Variants in TXNRD2 observed in about 807,000 individuals in gnomAD.
TXNRD2 encodes thioredoxin reductase 2, mitochondrial.
In TXNRD2, 67 loss-of-function variants were observed where a neutral mutation model predicts 70.8. The ratio of observed to expected loss-of-function variants is 0.95; its 90% CI spans 0.78 to 1.16. The LOEUF is 1.16. Ranked by LOEUF, TXNRD2 falls within the 50% of genes most tolerant of loss-of-function variation. The pLI is 0.00. For missense variants in TXNRD2, 644 were observed against 719.9 expected (o/e 0.89, Z 1.21); for synonymous variants, 301 against 295.8 (o/e 1.02, Z -0.18).
chr22:19,878,731 A>G (rs1451165592), intron 14 of TXNRD2, among the ~76,000 whole-genome samples: 1 of 152,200 alleles, frequency 6.6e-6, no homozygotes, highest in Non-Finnish European at 1.5e-5. Flanking sequence ...CAGGCAATCC[A>G]AGCAGCCAGG....
At chr22:19,915,932 C>A in intron 5 of TXNRD2, 89 bp from the exon 6 acceptor site, 2 of 1,215,074 alleles carry the variant, frequency 1.6e-6, no homozygotes, top group Non-Finnish European at 2.4e-6. Context: ...TAAAAGGGAG[C>A]TCCAGCCCCC....
chr22:19,897,599 C>T (rs1939567648), intron 10 of TXNRD2, among the ~76,000 whole-genome samples: 1 of 152,214 alleles, frequency 6.6e-6, no homozygotes, highest in Non-Finnish European at 1.5e-5. Flanking sequence ...CAGCGCTGCC[C>T]TGTGTCCCTC....
intron 7 of TXNRD2, among the ~76,000 whole-genome samples, chr22:19,912,552 A>G (rs1005873): frequency 0.24 from 36,095 of 152,080 alleles, 6,041 homozygotes; most frequent in African/African-American, 0.47. Context: ...CCTCAGAGAA[A>G]CCCAATGACC....
chr22:19,902,593 G>A (rs573808462), intron 8 of TXNRD2, among the ~76,000 whole-genome samples: 11 of 152,298 alleles, frequency 7.2e-5, no homozygotes, highest in South Asian at 2.1e-4. Context: ...CTCCTTCCCC[G>A]GCTTGGCTGG....
intron 10 of TXNRD2, among the ~76,000 whole-genome samples, chr22:19,896,331 C>A (rs565561968): frequency 1.0e-5 from 1 of 96,142 alleles, no homozygotes; most frequent in Non-Finnish European, 2.0e-5. Flanking sequence ...AAAAGAAAAA[C>A]AACCAAATCC....
At chr22:19,876,871 C>T (rs73877384) in intron 17 of TXNRD2, 169 bp downstream of exon 17, 6,912 of 462,908 alleles carry the variant, frequency 0.015, 165 homozygotes, top group South Asian at 0.07. Flanking sequence ...CCCCTGGGAA[C>T]TTCCCCTTCT....
At chr22:19,885,079 C>T (rs1262539295) in intron 11 of TXNRD2, among the ~76,000 whole-genome samples, 1 of 152,200 alleles carries the variant, frequency 6.6e-6, no homozygotes, top group Non-Finnish European at 1.5e-5. Flanking sequence ...CTCCACACAG[C>T]CTGGGGCCCG....
chr22:19,923,992 G>C (rs1014770976), intron 2 of TXNRD2, among the ~76,000 whole-genome samples: 3 of 151,580 alleles, frequency 2.0e-5, no homozygotes, highest in Non-Finnish European at 2.9e-5. Context: ...TTAAAAAAAG[G>C]CTTTTTTTTC....
At chr22:19,924,705 G>C (rs1941054107) in intron 2 of TXNRD2, among the ~76,000 whole-genome samples, 1 of 152,094 alleles carries the variant, frequency 6.6e-6, no homozygotes, top group Admixed American at 6.6e-5. Flanking sequence ...TGAAAACATA[G>C]GAATAGAAAC....
Position 19,877,221 on chromosome 22 carries a change from A to G in TXNRD2, c.1459T>C (p.Tyr487His). 6.2e-7 allele frequency: 1 copy of G among 1,610,820 alleles called. No homozygotes were observed. The highest frequency in any genetic ancestry group is 8.5e-7 in the Non-Finnish European group (1 of 1,178,252). ...FALGIKCGAS[Y>H]AQVMRTVGIH... ...CCCACGGTCCGCATCACCTGCGCAT[A>G]GGAAGCCCCACACCTGCACATGGGG... Residue 487 changes from tyrosine to histidine, a missense_variant, in exon 17 of 18, where the codon TAT (tyrosine) becomes CAT (histidine). Physicochemically the swap from Tyr to His is moderately conservative, Grantham distance 83. This residue lies in a region of TXNRD2 where 566 missense variants were observed against 645.0 expected (regional missense o/e 0.88). Coordinates refer to ENST00000400521, the MANE Select transcript of TXNRD2 (RefSeq NM_006440.5).
chr22:19,918,175 C>T lies in TXNRD2; in HGVS notation c.417G>A (p.Leu139=). Residue 139 remains leucine (L), a synonymous_variant, in exon 5 of 18, where the codon TTG becomes TTA. Coordinates refer to ENST00000400521, the MANE Select transcript of TXNRD2 (RefSeq NM_006440.5). ...AEAVQNHVKS[L]NWGHRVQLQD... ...GAAGCTGGACACGGTGGCCCCAGTT[C>T]AAGGATTTCACGTGATTTTGAACAG... The T allele has an allele frequency of 6.2e-7, 1 of 1,614,150 alleles. No homozygotes were observed. Among genetic ancestry groups the T allele is most frequent in the Non-Finnish European group, 8.5e-7 (1 of 1,180,006 alleles).
intron 7 of TXNRD2, among the ~76,000 whole-genome samples, chr22:19,912,985 A>G (rs1362800598): frequency 6.6e-6 from 1 of 152,160 alleles, no homozygotes; most frequent in Non-Finnish European, 1.5e-5. Flanking sequence ...GGTCTTCAAG[A>G]GCTTGGCTGC....
chr22:19,918,873 C>T lies in TXNRD2; in HGVS notation c.361G>A (p.Val121Met), dbSNP rs756368327. Residue 121 changes from valine (V) to methionine (M), a missense_variant, in exon 4 of 18, where the codon GTG becomes ATG. By Grantham distance (21) the Val-to-Met change is conservative (BLOSUM62 1). Coordinates refer to ENST00000400521, the MANE Select transcript of TXNRD2 (RefSeq NM_006440.5). ...PNYGWEVAQPVPHDWRKMAEA... is the reference protein window; with the variant it reads ...PNYGWEVAQPMPHDWRKMAEA... ...CCAGATCCTTACCAGTCATGCGGCACGGGCTGGGCCACCTCCCAGCCATAG... is the reference window on the plus strand; with the variant it reads ...CCAGATCCTTACCAGTCATGCGGCATGGGCTGGGCCACCTCCCAGCCATAG... 1.2e-5 allele frequency: 20 copies of T among 1,609,328 alleles called. No homozygotes were observed. In the East Asian group the frequency reaches 2.0e-4, roughly 16 times the overall value.
chr22:19,927,123 G>T (rs559375247), intron 2 of TXNRD2, among the ~76,000 whole-genome samples: 1 of 151,640 alleles, frequency 6.6e-6, no homozygotes, highest in African/African-American at 2.4e-5. Flanking sequence ...GTGAAACCCC[G>T]TCTCTACTAA....
intron 10 of TXNRD2, 73 bp downstream of exon 10, chr22:19,897,966 A>G (rs1939585854): frequency 1.6e-6 from 2 of 1,285,082 alleles, no homozygotes; most frequent in South Asian, 2.6e-5. Flanking sequence ...ACTGCACTGC[A>G]CCTGCCTGGG....
chr22:19,919,844 CCAGCTGCGCTGCCCACA>C (rs1940827339), intron 2 of TXNRD2, among the ~76,000 whole-genome samples: 1 of 104,386 alleles, frequency 9.6e-6, no homozygotes, highest in Admixed American at 8.5e-5. Flanking sequence ...CACTGCCCAC[CCAGCTGCGCTGCCCACA>C]GGCAGGAGCC....
chr22:19,894,199 G>A (rs1939388472), intron 11 of TXNRD2: 1 of 152,254 alleles, frequency 6.6e-6, no homozygotes, highest in Non-Finnish European at 1.5e-5. Flanking sequence ...CTACTTACAT[G>A]AAGTCCCTCG....
intron 5 of TXNRD2, among the ~76,000 whole-genome samples, chr22:19,917,840 C>T (rs1940705576): frequency 6.6e-6 from 1 of 152,196 alleles, no homozygotes; most frequent in South Asian, 2.1e-4. Flanking sequence ...GCTCTCTGGC[C>T]TGAGGCCTTC....
chr22:19,911,096 AC>A, intron 8 of TXNRD2: 1 of 485,850 alleles, frequency 2.1e-6, no homozygotes. Flanking sequence ...CAAAAAAAAA[AC>A]CAAAACAGAT....
Sources: gnomAD v4.1 joint callset for allele counts (sites outside exome capture counted in the v4.1 genomes callset) on GRCh38, gnomAD v4.1.1 for gene constraint, gnomAD v4.1.1 regional missense constraint, MANE v1.5 for transcripts, NCBI Gene and HGNC (gene_info 2026-07-23, HGNC 2026-07-21) for gene names.